Variants in SPART observed in about 807,000 individuals in gnomAD.
SPART encodes spastic paraplegia 20 (Troyer syndrome).
SPART carries 35 observed loss-of-function variants against 58.7 expected under a neutral mutation model. The observed-to-expected ratio is 0.60, with a 90% confidence interval of 0.46 to 0.79. The LOEUF (loss-of-function observed/expected upper bound fraction) is 0.79, where lower values mean the gene tolerates loss of function less well. SPART is among the 30% of genes least tolerant of loss of function. SPART has a pLI of 0.00. For synonymous variants in SPART, 284 were observed against 280.7 expected (o/e 1.01, Z -0.12); for missense variants, 730 against 786.1 (o/e 0.93, Z 0.85).
At position 36,364,662 on chromosome 13, in the gene SPART, T is replaced by C. The variant is rs118016771; in HGVS notation, c.-3+5427A>G. 1.2e-3 allele frequency among the ~76,000 whole-genome samples: 190 copies of C among 152,296 alleles called. 9 individuals carry two copies. The East Asian group carries it at 0.033, about 27-fold the overall frequency. On this transcript the variant is annotated intron_variant, in intron 1 of 8. Transcript: ENST00000355182. Reference sequence around the variant, plus strand: ...GAATTAGGATTTGTCAAGGGAAATATTTGGGCTAGTGCAAGTGAGGGGCCC... The same window carrying C: ...GAATTAGGATTTGTCAAGGGAAATACTTGGGCTAGTGCAAGTGAGGGGCCC...
Position 36,314,286 on chromosome 13 carries a change from T to C in SPART, c.1424A>G (p.Lys475Arg). The change falls in exon 6 of 9, where the codon AAG (lysine) becomes AGG (arginine). Residue 475 changes from lysine to arginine, a missense_variant. Lys to Arg is a conservative substitution (Grantham distance 26). Transcript: ENST00000438666. ...KPVEVSPAVT[K>R]GLYIAKQATG... is the part of the protein sequence containing the mutation. ...AGCTTGCTTCGCTATATAAAGTCCC[T>C]TGGTGACAGCTGGACTAACTTCCAC... 6.2e-7 allele frequency: 1 copy of C among 1,614,212 alleles called. No homozygotes were observed. Among genetic ancestry groups the C allele is most frequent in the Non-Finnish European group, 8.5e-7 (1 of 1,180,032 alleles).
chr13:36,309,858 C>A (rs1290034187), intron 8 of SPART, among the ~76,000 whole-genome samples: 1 of 152,130 alleles, frequency 6.6e-6, no homozygotes, highest in Non-Finnish European at 1.5e-5. Context: ...CAAGCCTGCA[C>A]ATGTACCCTT....
intron 4 of SPART, 50 bp downstream of exon 4, chr13:36,329,312 G>T: frequency 6.3e-7 from 1 of 1,598,710 alleles, no homozygotes; most frequent in Non-Finnish European, 8.6e-7. Context: ...TGAAACTGGA[G>T]AAAGGTACCA....
chr13:36,338,047 G>A lies in SPART; in HGVS notation c.-2-2215C>T, dbSNP rs74413502. ...CATGTGACAAGTGTTTAGTTAAGAT[G>A]GAAAAGGCTGAGATATGAACAGAAA... On this transcript the variant is annotated intron_variant, in intron 1 of 8. Coordinates refer to ENST00000438666, the MANE Select transcript of SPART (RefSeq NM_015087.5). Among the ~76,000 whole-genome samples, 1,246 of 152,254 alleles carry A rather than the reference G, an allele frequency of 8.2e-3. 21 individuals carry two copies. Among genetic ancestry groups the A allele is most frequent in the South Asian group, 0.053 (255 of 4,816 alleles).
chr13:36,368,295 A>G (rs1447190841), intron 1 of SPART: 8 of 360,584 alleles, frequency 2.2e-5, no homozygotes, highest in Non-Finnish European at 2.9e-5. Flanking sequence ...TTCCAAATGA[A>G]CACAAACAAA....
At chr13:36,306,188 ACTT>A (rs1272689376) in intron 8 of SPART, among the ~76,000 whole-genome samples, 1 of 152,086 alleles carries the variant, frequency 6.6e-6, no homozygotes, top group Admixed American at 6.6e-5. Context: ...AGACAGAAAA[ACTT>A]CCTACAACTG....
chr13:36,353,429 C>T (rs1885500552), intron 1 of SPART, among the ~76,000 whole-genome samples: 1 of 152,172 alleles, frequency 6.6e-6, no homozygotes, highest in African/African-American at 2.4e-5. Context: ...CAGCCAAATA[C>T]AACCAAGAAT....
chr13:36,309,355 T>C (rs541404097), intron 8 of SPART, among the ~76,000 whole-genome samples: 6 of 152,004 alleles, frequency 3.9e-5, no homozygotes, highest in South Asian at 2.1e-4. Flanking sequence ...TTGGGAGATA[T>C]CTCAAAAAAC....
chr13:36,357,013 T>C (rs917429569), intron 1 of SPART, among the ~76,000 whole-genome samples: 7 of 152,230 alleles, frequency 4.6e-5, no homozygotes, highest in Admixed American at 2.0e-4. Flanking sequence ...AATGTCTTAA[T>C]GTAGAAATTC....
chr13:36,342,048 G>A (rs1469759161), intron 1 of SPART, among the ~76,000 whole-genome samples: 2 of 152,200 alleles, frequency 1.3e-5, no homozygotes, highest in Non-Finnish European at 2.9e-5. Flanking sequence ...AGTTGATTGG[G>A]AGCTTCACCA....
At position 36,303,904 on chromosome 13, in the gene SPART, CT is replaced by C. The variant is rs1440967181; in HGVS notation, c.*460del. Reference sequence around the variant, plus strand: ...ACACACTGAAAATTTTGAGAAGCATCTAAAAAAATCCACAATTAGTGCAAAA... The same window carrying C: ...ACACACTGAAAATTTTGAGAAGCATCAAAAAAATCCACAATTAGTGCAAAA... On this transcript the variant is annotated 3_prime_UTR_variant, in exon 9 of 9. Transcript: ENST00000438666. 1 of 158,856 alleles carries C rather than the reference CT, an allele frequency of 6.3e-6. No individual in the cohort carries two copies. The highest frequency in any genetic ancestry group is 2.4e-5 in the African/African-American group (1 of 41,420). 9.8% of individuals were successfully genotyped at this position (158,856 alleles called of 1,614,324 possible).
intron 3 of SPART, among the ~76,000 whole-genome samples, chr13:36,330,023 G>C (rs1170525195): frequency 6.6e-6 from 1 of 152,208 alleles, no homozygotes; most frequent in Non-Finnish European, 1.5e-5. Context: ...GTTTACAGTT[G>C]AAGTTCTGGG....
At chr13:36,336,071 T>TA (rs1296464201) in intron 1 of SPART, among the ~76,000 whole-genome samples, 1 of 152,216 alleles carries the variant, frequency 6.6e-6, no homozygotes, top group Non-Finnish European at 1.5e-5. Flanking sequence ...TTTAAAAACA[T>TA]AAGAGAATAA....
At position 36,302,404 on chromosome 13, in the gene SPART, C is replaced by G. The variant is rs1340543027; in HGVS notation, c.*1961G>C. 1 of 152,192 alleles carries G rather than the reference C, an allele frequency of 6.6e-6. No homozygotes were observed. The highest frequency in any genetic ancestry group is 1.5e-5 in the Non-Finnish European group (1 of 68,026). 9.4% of individuals were successfully genotyped at this position (152,192 alleles called of 1,614,324 possible). A position where few individuals can be genotyped will look rare whatever the true frequency, so the allele number is the denominator to read the frequency against. On this transcript the variant is annotated 3_prime_UTR_variant, in exon 9 of 9. Coordinates refer to ENST00000438666, the MANE Select transcript of SPART (RefSeq NM_015087.5). ...GTTAGGCTTGTGGACCATATACTCT[C>G]TGATGCAACTATTCAACTCTCACGT...
At position 36,329,351 on chromosome 13, in the gene SPART, CTT is replaced by C; in HGVS notation, c.1164+9_1164+10del. ...GAAGACAACACACACACTTATTACT[CTT>C]TTATTTACCCTTTTTCCACGTTTTC... On this transcript the variant is annotated intron_variant, in intron 4 of 8. Coordinates refer to ENST00000438666, the MANE Select transcript of SPART (RefSeq NM_015087.5). 2 of 1,613,914 alleles carry C rather than the reference CTT, an allele frequency of 1.2e-6. No homozygotes were observed. Among genetic ancestry groups the C allele is most frequent in the Admixed American group, 3.3e-5 (2 of 60,022 alleles).
chr13:36,325,632 A>G (rs573360900), intron 5 of SPART, among the ~76,000 whole-genome samples: 4 of 152,366 alleles, frequency 2.6e-5, no homozygotes, highest in Non-Finnish European at 5.9e-5. Context: ...GAGTTACTAC[A>G]GCTAAAAAGC....
chr13:36,310,666 C>G (rs375368529), intron 8 of SPART, among the ~76,000 whole-genome samples: 1 of 152,134 alleles, frequency 6.6e-6, no homozygotes, highest in East Asian at 1.9e-4. Context: ...CAGCTGCTGA[C>G]CACGAGAAAA....
Position 36,331,443 on chromosome 13 carries a change from GCTCT to G in SPART, c.960_963del (p.Arg320SerfsTer7). ...ATTTGCCTTAACAGATCCTCAAAGA[GCTCT>G]CTATCATCCTCTGGTAACTCAGAGG... On this transcript the variant is annotated frameshift_variant, in exon 3 of 9. Transcript: ENST00000438666. LOFTEE classifies it high-confidence loss of function. 6.2e-7 allele frequency: 1 copy of G among 1,614,042 alleles called. No homozygotes were observed. Among genetic ancestry groups the G allele is most frequent in the Non-Finnish European group, 8.5e-7 (1 of 1,180,014 alleles).
chr13:36,311,526 G>C (rs1486894538), intron 8 of SPART, among the ~76,000 whole-genome samples: 1 of 151,902 alleles, frequency 6.6e-6, no homozygotes, highest in South Asian at 2.1e-4. Context: ...GTTTTTTCAG[G>C]CAGATATCAC....
Sources: allele counts gnomAD v4.1 joint callset (sites outside exome capture counted in the v4.1 genomes callset), GRCh38; gene constraint gnomAD v4.1.1; transcripts MANE v1.5; gene names NCBI Gene and HGNC (gene_info 2026-07-23, HGNC 2026-07-21).